Variants in RPH3AL observed in about 807,000 individuals in gnomAD.
RPH3AL encodes rab effector Noc2.
RPH3AL carries 38 observed loss-of-function variants against 43.1 expected under a neutral mutation model. The ratio of observed to expected loss-of-function variants is 0.88; its 90% CI spans 0.68 to 1.15. The LOEUF is 1.15. RPH3AL is among the 50% of genes most tolerant of loss of function. RPH3AL has a pLI of 0.00. For synonymous variants in RPH3AL, 189 were observed against 176.3 expected (o/e 1.07, Z -0.57); for missense variants, 462 against 423.2 (o/e 1.09, Z -0.81).
At chr17:250,900 C>T (rs112508003) in intron 6 of RPH3AL, among the ~76,000 whole-genome samples, 2,993 of 152,296 alleles carry the variant, frequency 0.02, 40 homozygotes, top group Non-Finnish European at 0.032. Context: ...AGAGCCTAAG[C>T]GCCATCGCTG....
In RPH3AL at chr17:300,640, A is replaced by G. The variant is rs533632536; in HGVS notation, c.351+18780T>C. Reference sequence around the variant, plus strand: ...ACCTGCAGAATCTCTCACCCACTCTAGAAGGGGCTGGCCCAGCCTAGACCT... The same window carrying G: ...ACCTGCAGAATCTCTCACCCACTCTGGAAGGGGCTGGCCCAGCCTAGACCT... On this transcript the variant is annotated intron_variant, in intron 5 of 9. Coordinates refer to ENST00000331302, the MANE Select transcript of RPH3AL (RefSeq NM_006987.4). Among the ~76,000 whole-genome samples, 321 of 133,806 alleles carry G rather than the reference A, an allele frequency of 2.4e-3. 5 individuals are homozygous for G. The highest frequency in any genetic ancestry group is 8.9e-3 in the African/African-American group (293 of 32,970). 87.8% of individuals were successfully genotyped at this position (133,806 alleles called of 152,430 possible).
chr17:310,003 G>T (rs980713775), intron 5 of RPH3AL, among the ~76,000 whole-genome samples: 1 of 151,922 alleles, frequency 6.6e-6, no homozygotes, highest in South Asian at 2.1e-4. Context: ...TCATAGGCAG[G>T]CTCCCCTGCA....
intron 5 of RPH3AL, among the ~76,000 whole-genome samples, chr17:294,399 A>T (rs1280144366): frequency 2.6e-5 from 4 of 152,322 alleles, no homozygotes; most frequent in Non-Finnish European, 4.4e-5. Flanking sequence ...GGCTGCAGTG[A>T]GTTGTGATTG....
chr17:302,172 T>C (rs972094340), intron 5 of RPH3AL, among the ~76,000 whole-genome samples: 4 of 152,256 alleles, frequency 2.6e-5, no homozygotes, highest in African/African-American at 9.6e-5. Context: ...ACTGCGAGGC[T>C]GCAAGGCCTG....
intron 1 of RPH3AL, among the ~76,000 whole-genome samples, chr17:350,849 G>C (rs1213309202): frequency 6.6e-6 from 1 of 152,172 alleles, no homozygotes; most frequent in African/African-American, 2.4e-5. Context: ...CATAGGGCAG[G>C]AAACAGCAGG....
At chr17:325,333 G>A (rs1010974925) in intron 3 of RPH3AL, among the ~76,000 whole-genome samples, 5 of 152,042 alleles carry the variant, frequency 3.3e-5, no homozygotes, top group Admixed American at 1.3e-4. Flanking sequence ...TCTCCCCTCC[G>A]GAACATGAGT....
At position 264,654 on chromosome 17, in the gene RPH3AL, C is replaced by A. The variant is rs1483876220; in HGVS notation, c.438+17114G>T. 1.3e-5 allele frequency among the ~76,000 whole-genome samples: 2 copies of A among 152,354 alleles called. No individual in the cohort carries two copies. Among genetic ancestry groups the A allele is most frequent in the Non-Finnish European group, 2.9e-5 (2 of 68,038 alleles). ...GGCCTATTGGACACATTTGTGACCA[C>A]ACAGGACCAACGCAGGAAGAGGTCA... On this transcript the variant is annotated intron_variant, in intron 6 of 9. Transcript: ENST00000331302. The surrounding 1 kb of genome is among the most constrained non-coding windows in gnomAD (Gnocchi z 4.8).
At chr17:313,282 AAC>A (rs1241549182) in intron 5 of RPH3AL, among the ~76,000 whole-genome samples, 4 of 152,116 alleles carry the variant, frequency 2.6e-5, no homozygotes, top group South Asian at 4.1e-4. Flanking sequence ...GTCTCTTAAA[AAC>A]ACAGATCAGA....
intron 9 of RPH3AL, 39 bp from the exon 10 acceptor site, chr17:213,962 G>A (rs761645823): frequency 8.6e-6 from 13 of 1,505,022 alleles, no homozygotes; most frequent in East Asian, 4.5e-5. Flanking sequence ...GGTGAGCAGC[G>A]GTGGAGTCCC....
chr17:281,073 T>C (rs147099037), intron 6 of RPH3AL, among the ~76,000 whole-genome samples: 32 of 152,290 alleles, frequency 2.1e-4, no homozygotes, highest in African/African-American at 7.7e-4. Context: ...CAATCCGACC[T>C]GGCACAGGGA....
chr17:220,871 A>G (rs372250740), intron 7 of RPH3AL, among the ~76,000 whole-genome samples: 8 of 4,020 alleles, frequency 2.0e-3, no homozygotes, highest in Admixed American at 4.6e-3. Context: ...CAGCTCGGAG[A>G]CCTCCACTCG....
chr17:313,959 C>A (rs2043731630), intron 5 of RPH3AL, among the ~76,000 whole-genome samples: 1 of 152,152 alleles, frequency 6.6e-6, no homozygotes, highest in Non-Finnish European at 1.5e-5. Context: ...GGCCTCATCA[C>A]CCAAGCCAGG....
At chr17:241,937 C>A (rs1025948824) in intron 7 of RPH3AL, among the ~76,000 whole-genome samples, 4 of 151,600 alleles carry the variant, frequency 2.6e-5, no homozygotes, top group Non-Finnish European at 5.9e-5. Flanking sequence ...GCCAATATGG[C>A]GAAACCCCGT....
intron 7 of RPH3AL, among the ~76,000 whole-genome samples, chr17:231,834 C>A (rs932267945): frequency 6.6e-6 from 1 of 152,266 alleles, no homozygotes; most frequent in African/African-American, 2.4e-5. Context: ...AAATTAGAGG[C>A]GACAGCCATG....
chr17:348,624 T>C (rs1013928540), intron 1 of RPH3AL, among the ~76,000 whole-genome samples: 6 of 151,844 alleles, frequency 4.0e-5, no homozygotes, highest in Admixed American at 3.9e-4. Flanking sequence ...AGCACACTAA[T>C]GGTCATCAAT....
chr17:286,941 T>TCTCTCCACCGTCAGACCTCACACC (rs71143494), intron 5 of RPH3AL, among the ~76,000 whole-genome samples: 8 of 23,322 alleles, frequency 3.4e-4, no homozygotes, highest in Non-Finnish European at 8.9e-4. Flanking sequence ...CCTCGCACCC[T>TCTCTCCACCGTCAGACCTCACACC]CTCTCTCCAC....
intron 6 of RPH3AL, among the ~76,000 whole-genome samples, chr17:269,912 T>A (rs1340918940): frequency 6.6e-6 from 1 of 152,034 alleles, no homozygotes; most frequent in African/African-American, 2.4e-5. Context: ...GATGGCTCAG[T>A]CCATCTGCAG....
chr17:286,923 CCGT>C lies in RPH3AL; in HGVS notation c.352-5072_352-5070del, dbSNP rs1299785964. On this transcript the variant is annotated intron_variant, in intron 5 of 9. Coordinates refer to ENST00000331302, the MANE Select transcript of RPH3AL (RefSeq NM_006987.4). ...TCAGACCTCGCACCCTCTCTCTCCA[CCGT>C]CAGACCTCGCACCCTCTCTCTCCAC... 7.1e-4 allele frequency among the ~76,000 whole-genome samples: 97 copies of C among 136,838 alleles called. 9 individuals are homozygous for C. Among genetic ancestry groups the C allele is most frequent in the African/African-American group, 1.3e-3 (48 of 35,690 alleles). 89.8% of individuals were successfully genotyped at this position (136,838 alleles called of 152,430 possible).
chr17:272,024 A>G (rs1428574413), intron 6 of RPH3AL, among the ~76,000 whole-genome samples: 9 of 152,258 alleles, frequency 5.9e-5, no homozygotes, highest in Admixed American at 2.6e-4. Context: ...ATCACTGGCC[A>G]TCAGAGAAAT....
Sources: gnomAD v4.1 joint callset for allele counts (sites outside exome capture counted in the v4.1 genomes callset) on GRCh38, gnomAD v4.1.1 for gene constraint, Gnocchi (gnomAD v3.1) non-coding constraint, MANE v1.5 for transcripts, NCBI Gene and HGNC (gene_info 2026-07-23, HGNC 2026-07-21) for gene names.